PDS5A: variants seen among roughly 807,000 people sequenced by gnomAD.
PDS5A encodes the protein PDS5 cohesin associated factor A, also known as sister chromatid cohesion protein PDS5 homolog A.
A neutral mutation model predicts 167.1 loss-of-function variants in PDS5A; 42 were observed. The ratio of observed to expected loss-of-function variants is 0.25; its 90% CI spans 0.20 to 0.33. PDS5A has a LOEUF of 0.33. Among genes scored for constraint, PDS5A ranks in the 10% least tolerant of loss-of-function variants. The pLI, the probability that PDS5A is intolerant of heterozygous loss-of-function variation, is 1.00. For missense variants in PDS5A, 1,033 were observed against 1,605.9 expected (o/e 0.64, Z 6.10); for synonymous variants, 553 against 554.6 (o/e 1.00, Z 0.04).
chr4:39,915,924 C>T (rs1453956696), intron 8 of PDS5A, among the ~76,000 whole-genome samples: 1 of 152,134 alleles, frequency 6.6e-6, no homozygotes, highest in Non-Finnish European at 1.5e-5. Context: ...CGCCCCTCTG[C>T]TATTTGTAAA....
intron 30 of PDS5A, 34 bp downstream of exon 30, chr4:39,844,622 T>C (rs1460334992): frequency 1.9e-6 from 3 of 1,570,452 alleles, no homozygotes; most frequent in Middle Eastern, 1.7e-4. Context: ...AAGTAGTGAG[T>C]GCTAGTAACA....
chr4:39,866,369 G>A (rs1017027655), intron 23 of PDS5A, among the ~76,000 whole-genome samples: 5 of 151,928 alleles, frequency 3.3e-5, no homozygotes, highest in African/African-American at 7.3e-5. Context: ...TGCCCGTCTC[G>A]GCCTCCCAAA....
chr4:39,890,818 T>C (rs1269444530), intron 16 of PDS5A, among the ~76,000 whole-genome samples: 4 of 152,028 alleles, frequency 2.6e-5, no homozygotes, highest in African/African-American at 7.3e-5. Context: ...GGCTTCACCA[T>C]GTTGGCCAGG....
In PDS5A at chr4:39,925,825, A is replaced by T; in HGVS notation, c.527+11T>A. The T allele has an allele frequency of 8.7e-7, 1 of 1,155,714 alleles. No individual in the cohort carries two copies. Among genetic ancestry groups the T allele is most frequent in the Non-Finnish European group, 1.2e-6 (1 of 803,952 alleles). The allele number at this position is 1,155,714 out of a possible 1,614,324, so 71.6% of individuals were successfully genotyped here. ...AAAGAGACAAACAGAAATGCTTAAA[A>T]AATAACTTACTTGATCACTGAGAAG... is the stretch of plus-strand genomic sequence containing the variant. On this transcript the variant is annotated intron_variant, in intron 5 of 32. Transcript: ENST00000303538.
rs1715116219 is a variant in PDS5A at position 39,824,575 on chromosome 4, T to C, written c.*910A>G. 1 of 152,586 alleles carries C rather than the reference T, an allele frequency of 6.6e-6. No homozygotes were observed. The highest frequency in any genetic ancestry group is 2.1e-4 in the South Asian group (1 of 4,830). 9.5% of individuals were successfully genotyped at this position (152,586 alleles called of 1,614,324 possible). A position where few individuals can be genotyped will look rare whatever the true frequency, so the allele number is the denominator to read the frequency against. Reference sequence around the variant, plus strand: ...TTAAAAGCTGCCAAAGTCCAACTATTTTTTAAAAATTGATTTTTTTTACAT... The same window carrying C: ...TTAAAAGCTGCCAAAGTCCAACTATCTTTTAAAAATTGATTTTTTTTACAT... On this transcript the variant is annotated 3_prime_UTR_variant, in exon 33 of 33. Coordinates refer to ENST00000303538, the MANE Select transcript of PDS5A (RefSeq NM_001100399.2).
At chr4:39,917,643 C>A (rs1013041382) in intron 7 of PDS5A, among the ~76,000 whole-genome samples, 3 of 151,948 alleles carry the variant, frequency 2.0e-5, no homozygotes, top group Non-Finnish European at 4.4e-5. Flanking sequence ...GGCGTGATCT[C>A]GGCTTACTGC....
chr4:39,945,318 A>G (rs1007528932), intron 2 of PDS5A, among the ~76,000 whole-genome samples: 2 of 151,846 alleles, frequency 1.3e-5, no homozygotes, highest in Admixed American at 6.6e-5. Context: ...AAAATTAGCC[A>G]GGCGTGGTGG....
chr4:39,884,188 A>C (rs1337525064), intron 17 of PDS5A, among the ~76,000 whole-genome samples: 3 of 152,056 alleles, frequency 2.0e-5, no homozygotes, highest in Non-Finnish European at 4.4e-5. Context: ...CGGCCTCCCA[A>C]AGTGCTGGGA....
chr4:39,943,620 CAAAA>C (rs67431661), intron 2 of PDS5A, among the ~76,000 whole-genome samples: 13 of 109,806 alleles, frequency 1.2e-4, no homozygotes, highest in Non-Finnish European at 1.6e-4. Flanking sequence ...CCCGTTTCTA[CAAAA>C]AAAAAAAAAA....
chr4:39,953,291 T>C (rs996507322), intron 2 of PDS5A, among the ~76,000 whole-genome samples: 4 of 152,120 alleles, frequency 2.6e-5, no homozygotes, highest in Non-Finnish European at 4.4e-5. Flanking sequence ...TCACCGTGGC[T>C]GGGGTAACTG....
At chr4:39,866,487 T>C (rs1336834315) in intron 23 of PDS5A, among the ~76,000 whole-genome samples, 1 of 152,220 alleles carries the variant, frequency 6.6e-6, no homozygotes, top group Non-Finnish European at 1.5e-5. Context: ...AATACAGGGA[T>C]GCTCTTTGAA....
intron 1 of PDS5A, among the ~76,000 whole-genome samples, 155 bp from the exon 2 acceptor site, chr4:39,976,772 C>G (rs529846764): frequency 6.6e-6 from 1 of 152,350 alleles, no homozygotes; most frequent in Admixed American, 6.5e-5. Context: ...GGGATCGAAC[C>G]CCGCCGGCCC....
At chr4:39,906,205 A>G (rs111795222) in intron 11 of PDS5A, among the ~76,000 whole-genome samples, 7,732 of 152,060 alleles carry the variant, frequency 0.051, 279 homozygotes, top group Middle Eastern at 0.095. Flanking sequence ...CCGTCTCTAC[A>G]AAAAATACAA....
At chr4:39,854,801 ATT>A (rs1231477073) in intron 26 of PDS5A, among the ~76,000 whole-genome samples, 1 of 152,168 alleles carries the variant, frequency 6.6e-6, no homozygotes, top group East Asian at 1.9e-4. Context: ...CTCTATAAAT[ATT>A]TGTTAAGGAA....
chr4:39,898,241 T>G, intron 16 of PDS5A, 148 bp downstream of exon 16: 2 of 1,308,944 alleles, frequency 1.5e-6, no homozygotes, highest in Non-Finnish European at 2.0e-6. Flanking sequence ...AATAGAGAAT[T>G]AACTTGACAA....
intron 8 of PDS5A, among the ~76,000 whole-genome samples, chr4:39,914,905 A>C (rs1724218646): frequency 6.6e-6 from 1 of 152,256 alleles, no homozygotes; most frequent in Admixed American, 6.5e-5. Context: ...TAAAGACCAC[A>C]GGATAAAATC....
At chr4:39,873,379 C>T (rs1720207982) in intron 20 of PDS5A, among the ~76,000 whole-genome samples, 1 of 152,058 alleles carries the variant, frequency 6.6e-6, no homozygotes, top group Admixed American at 6.6e-5. Flanking sequence ...TAAAATCCAA[C>T]AAAAAGAAGT....
chr4:39,960,551 T>C (rs1729385177), intron 2 of PDS5A, among the ~76,000 whole-genome samples: 1 of 143,684 alleles, frequency 7.0e-6, no homozygotes, highest in South Asian at 2.2e-4. Flanking sequence ...ATCTTGAACA[T>C]TTTTTTTTTT....
At chr4:39,895,746 C>T (rs902098198) in intron 16 of PDS5A, among the ~76,000 whole-genome samples, 3 of 152,160 alleles carry the variant, frequency 2.0e-5, no homozygotes, top group Non-Finnish European at 4.4e-5. Context: ...GAGACAGAGT[C>T]TCGCTCTGTC....
Sources: allele counts gnomAD v4.1 joint callset (sites outside exome capture counted in the v4.1 genomes callset), GRCh38; gene constraint gnomAD v4.1.1; transcripts MANE v1.5; gene names NCBI Gene and HGNC (gene_info 2026-07-23, HGNC 2026-07-21).